The following NEURL1 variants were observed in gnomAD, a reference collection of about 807,000 sequenced individuals.
NEURL1 encodes the protein neuralized E3 ubiquitin protein ligase 1.
NEURL1 carries 26 observed loss-of-function variants against 41.2 expected under a neutral mutation model. That is an observed-to-expected ratio of 0.63 (90% CI 0.46 to 0.87). The LOEUF is 0.87. Among genes scored for constraint, NEURL1 ranks in the 40% least tolerant of loss-of-function variants. The pLI is 0.00. For synonymous variants in NEURL1, 400 were observed against 402.3 expected, an observed-to-expected ratio of 0.99 and a Z score of 0.07; for missense variants, 761 against 871.1, an observed-to-expected ratio of 0.87 and a Z score of 1.59.
chr10:103,507,573 G>A (rs918389552), intron 1 of NEURL1, among the ~76,000 whole-genome samples: 9 of 152,174 alleles, frequency 5.9e-5, no homozygotes, highest in Non-Finnish European at 1.0e-4. Flanking sequence ...ATCTGTGGCA[G>A]TGGTCAACAT....
intron 3 of NEURL1, among the ~76,000 whole-genome samples, chr10:103,578,256 T>C (rs2035706747): frequency 1.3e-5 from 2 of 151,872 alleles, no homozygotes; most frequent in African/African-American, 4.8e-5. Context: ...CTTTTGTCTT[T>C]AGGTTAAAAA....
chr10:103,569,761 T>C (rs928646375), intron 1 of NEURL1, among the ~76,000 whole-genome samples: 4 of 152,136 alleles, frequency 2.6e-5, no homozygotes, highest in African/African-American at 9.7e-5. Context: ...CAAGGTGAAC[T>C]CCTCCTCATG....
chr10:103,551,682 C>G (rs761742058), intron 1 of NEURL1, among the ~76,000 whole-genome samples: 13 of 152,228 alleles, frequency 8.5e-5, no homozygotes, highest in Non-Finnish European at 1.6e-4. Context: ...CCGGGGCTGC[C>G]TCTCCCTCTA....
chr10:103,544,159 G>A (rs1452374342), intron 1 of NEURL1, among the ~76,000 whole-genome samples: 1 of 152,216 alleles, frequency 6.6e-6, no homozygotes, highest in Non-Finnish European at 1.5e-5. Context: ...GCAGAGCCAG[G>A]GGAGGGAAGG....
Position 103,584,689 on chromosome 10 carries a change from C to G in NEURL1, c.803C>G (p.Ala268Gly). 7.0e-7 allele frequency: 1 copy of G among 1,434,726 alleles called. No individual in the cohort carries two copies. Among genetic ancestry groups the G allele is most frequent in the Non-Finnish European group, 9.1e-7 (1 of 1,100,098 alleles). 88.9% of individuals were successfully genotyped at this position (1,434,726 alleles called of 1,614,324 possible). ...PGADGDEAAP[A>G]AGCPIPQNSL... ...GCGGACGGCGACGAGGCCGCGCCGG[C>G]CGCCGGCTGCCCCATCCCGCAGAAC... The change falls in exon 4 of 6, where the codon GCC becomes GGC. Residue 268 changes from alanine to glycine, a missense_variant. Ala to Gly is a moderately conservative substitution (Grantham distance 60). Coordinates refer to ENST00000369780, the MANE Select transcript of NEURL1 (RefSeq NM_004210.5).
intron 3 of NEURL1, among the ~76,000 whole-genome samples, chr10:103,576,313 C>T (rs1295122640): frequency 6.6e-6 from 1 of 151,940 alleles, no homozygotes; most frequent in Admixed American, 6.5e-5. Flanking sequence ...TTAGGTCAGA[C>T]AGGGGGGTGT....
Position 103,556,389 on chromosome 10 carries a change from G to A in NEURL1, c.86-14483G>A, listed in dbSNP as rs113900121. On this transcript the variant is annotated intron_variant, in intron 1 of 5. Coordinates refer to ENST00000369780, the MANE Select transcript of NEURL1 (RefSeq NM_004210.5). The surrounding 1 kb of genome is among the most constrained non-coding windows in gnomAD (Gnocchi z 4.4). ...AGGCTGACCTTGGGGAGTCCCTGAC[G>A]CACTCCCCTATGTACCCTGCTCCCT... Among the ~76,000 whole-genome samples the A allele has an allele frequency of 8.5e-3, 1,298 of 152,182 alleles. 15 individuals are homozygous for A. The highest frequency in any genetic ancestry group is 0.029 in the African/African-American group (1,204 of 41,500).
intron 1 of NEURL1, among the ~76,000 whole-genome samples, chr10:103,569,917 A>G (rs2035502141): frequency 6.6e-6 from 1 of 152,156 alleles, no homozygotes; most frequent in Non-Finnish European, 1.5e-5. Context: ...GCAAAGTGGT[A>G]CAGAGGGATG....
At chr10:103,555,553 G>A in intron 1 of NEURL1, 2 of 623,204 alleles carry the variant, frequency 3.2e-6, no homozygotes, top group Non-Finnish European at 4.4e-6. Flanking sequence ...GCTGTGTGGG[G>A]GCACCTTTTG....
chr10:103,567,660 A>G (rs2035454426), intron 1 of NEURL1, among the ~76,000 whole-genome samples: 1 of 152,138 alleles, frequency 6.6e-6, no homozygotes, highest in Non-Finnish European at 1.5e-5. Context: ...TGGCCTCCCA[A>G]AGTGCTGGGA....
At chr10:103,583,137 T>G (rs778972117) in intron 3 of NEURL1, among the ~76,000 whole-genome samples, 2 of 152,138 alleles carry the variant, frequency 1.3e-5, no homozygotes, top group Non-Finnish European at 2.9e-5. Context: ...GAAACAGTTA[T>G]TGGCACGGAG....
At position 103,566,279 on chromosome 10, in the gene NEURL1, C is replaced by T. The variant is rs1182664804; in HGVS notation, c.86-4593C>T. ...TAATTTTTTATTTTTATCTGTACAA[C>T]GAGATGAGGTCTCACGGTGTTGTCC... On this transcript the variant is annotated intron_variant, in intron 1 of 5. Coordinates refer to ENST00000369780, the MANE Select transcript of NEURL1 (RefSeq NM_004210.5). The surrounding 1 kb of genome is among the most constrained non-coding windows in gnomAD (Gnocchi z 4.2). 1.3e-5 allele frequency among the ~76,000 whole-genome samples: 2 copies of T among 151,940 alleles called. No homozygotes were observed. Among genetic ancestry groups the T allele is most frequent in the African/African-American group, 4.8e-5 (2 of 41,336 alleles).
At chr10:103,500,796 T>C (rs1293468927) in intron 1 of NEURL1, among the ~76,000 whole-genome samples, 1 of 152,224 alleles carries the variant, frequency 6.6e-6, no homozygotes, top group Non-Finnish European at 1.5e-5. Context: ...ACCATGCAGG[T>C]TCCCAGCCCC....
At chr10:103,559,284 G>C (rs11597473) in intron 1 of NEURL1, among the ~76,000 whole-genome samples, 31,732 of 151,980 alleles carry the variant, frequency 0.21, 3,481 homozygotes, top group South Asian at 0.32. Flanking sequence ...CCCCACACCT[G>C]GCTCGTGCCT....
intron 1 of NEURL1, among the ~76,000 whole-genome samples, chr10:103,505,874 C>T (rs373526694): frequency 2.0e-5 from 3 of 152,346 alleles, no homozygotes; most frequent in East Asian, 3.9e-4. Flanking sequence ...CATTAAGTAG[C>T]TGCTTCCTTG....
chr10:103,506,131 C>T (rs1165551532), intron 1 of NEURL1, among the ~76,000 whole-genome samples: 2 of 152,190 alleles, frequency 1.3e-5, no homozygotes, highest in South Asian at 2.1e-4. Context: ...CGTTGACAGG[C>T]GAGGTTGCTA....
chr10:103,510,662 G>A (rs550377405), intron 1 of NEURL1, among the ~76,000 whole-genome samples: 66 of 152,288 alleles, frequency 4.3e-4, no homozygotes, highest in Admixed American at 7.2e-4. Context: ...ACCCAGAGGG[G>A]CTGTTCTTCA....
At chr10:103,588,089 G>A (rs2035959177) in intron 4 of NEURL1, among the ~76,000 whole-genome samples, 1 of 151,978 alleles carries the variant, frequency 6.6e-6, no homozygotes, top group African/African-American at 2.4e-5. Flanking sequence ...TGGATCACAA[G>A]GTCAGGAGAT....
chr10:103,567,144 C>CG (rs1392827802), intron 1 of NEURL1, among the ~76,000 whole-genome samples: 21 of 151,646 alleles, frequency 1.4e-4, no homozygotes, highest in African/African-American at 5.1e-4. Context: ...CCACCCTGCC[C>CG]GGGTAATTTT....
Sources: gnomAD v4.1 joint callset for allele counts (sites outside exome capture counted in the v4.1 genomes callset) on GRCh38, gnomAD v4.1.1 for gene constraint, Gnocchi (gnomAD v3.1) non-coding constraint, MANE v1.5 for transcripts, NCBI Gene and HGNC (gene_info 2026-07-23, HGNC 2026-07-21) for gene names.